Variants in GNAQ observed in about 807,000 individuals in gnomAD.
GNAQ encodes the protein guanine nucleotide-binding protein G(q) subunit alpha.
Under a neutral mutation model 43.9 loss-of-function variants are expected in GNAQ, and 8 were observed. The ratio of observed to expected loss-of-function variants is 0.18; its 90% CI spans 0.11 to 0.33. The LOEUF is 0.33. GNAQ is among the 10% of genes least tolerant of loss of function. The pLI, the probability that GNAQ is intolerant of heterozygous loss-of-function variation, is 1.00. For synonymous variants in GNAQ, 155 were observed against 170.7 expected (o/e 0.91, Z 0.71); for missense variants, 158 against 450.8 (o/e 0.35, Z 5.88).
intron 5 of GNAQ, among the ~76,000 whole-genome samples, chr9:77,762,841 G>A (rs1268108954): frequency 6.6e-6 from 1 of 152,096 alleles, no homozygotes; most frequent in Admixed American, 6.5e-5. Flanking sequence ...TGTCCACTCA[G>A]GGTTAAATGG....
intron 2 of GNAQ, among the ~76,000 whole-genome samples, chr9:77,887,665 C>T (rs1331211726): frequency 6.6e-6 from 1 of 152,098 alleles, no homozygotes; most frequent in Non-Finnish European, 1.5e-5. Context: ...TCTAATCCCC[C>T]CAGTTAAAGC....
In GNAQ at chr9:77,985,594, AT is replaced by A. The variant is rs546572524; in HGVS notation, c.136+45505del. On this transcript the variant is annotated intron_variant, in intron 1 of 6. Coordinates refer to ENST00000286548, the MANE Select transcript of GNAQ (RefSeq NM_002072.5). ...TATAATTTTTAATTTTTCTATTTTT[AT>A]TTTTTTTGAGACAGAGTCTCGCTCT... is the stretch of plus-strand genomic sequence containing the variant. Among the ~76,000 whole-genome samples, 3 of 151,706 alleles carry A rather than the reference AT, an allele frequency of 2.0e-5. No homozygotes were observed. In the East Asian group the frequency reaches 5.8e-4, roughly 29 times the overall value.
chr9:78,000,476 T>G (rs1823630179), intron 1 of GNAQ, among the ~76,000 whole-genome samples: 1 of 152,176 alleles, frequency 6.6e-6, no homozygotes, highest in Non-Finnish European at 1.5e-5. Flanking sequence ...CAAGTAAAAG[T>G]GGTTGCCCCT....
intron 3 of GNAQ, among the ~76,000 whole-genome samples, chr9:77,798,772 T>C (rs535416468): frequency 7.2e-5 from 11 of 152,258 alleles, no homozygotes; most frequent in South Asian, 4.1e-4. Context: ...AAGAAAAGTC[T>C]GTACATGTTC....
At chr9:77,864,878 G>C (rs1343269490) in intron 2 of GNAQ, among the ~76,000 whole-genome samples, 1 of 152,090 alleles carries the variant, frequency 6.6e-6, no homozygotes, top group South Asian at 2.1e-4. Flanking sequence ...AAATCTCCTT[G>C]GTGGTTTCCA....
intron 2 of GNAQ, among the ~76,000 whole-genome samples, chr9:77,856,781 G>A (rs1344121792): frequency 6.6e-6 from 1 of 152,184 alleles, no homozygotes; most frequent in Non-Finnish European, 1.5e-5. Context: ...CAGGAAAAAT[G>A]AGTTAGGCTG....
chr9:78,008,614 C>A (rs201720237), intron 1 of GNAQ, among the ~76,000 whole-genome samples: 1 of 106,052 alleles, frequency 9.4e-6, no homozygotes, highest in Non-Finnish European at 1.9e-5. Flanking sequence ...CATTTCATTT[C>A]ATTTCATTTT....
intron 1 of GNAQ, among the ~76,000 whole-genome samples, chr9:78,005,211 A>G (rs1823690909): frequency 6.6e-6 from 1 of 151,978 alleles, no homozygotes; most frequent in African/African-American, 2.4e-5. Flanking sequence ...ACACCCAGCT[A>G]ATTTTTGTAT....
chr9:77,805,479 A>G (rs1393373473), intron 3 of GNAQ, among the ~76,000 whole-genome samples: 1 of 151,662 alleles, frequency 6.6e-6, no homozygotes, highest in African/African-American at 2.4e-5. Context: ...ATCTTGGCTC[A>G]CTGCAACCTC....
At chr9:77,939,094 TC>T (rs1003541424) in intron 1 of GNAQ, among the ~76,000 whole-genome samples, 98 of 152,196 alleles carry the variant, frequency 6.4e-4, no homozygotes, top group African/African-American at 2.3e-3. Context: ...ATCAAGTTTA[TC>T]CCACCTTCCA....
intron 5 of GNAQ, among the ~76,000 whole-genome samples, chr9:77,735,918 T>C (rs1325058987): frequency 6.6e-6 from 1 of 152,160 alleles, no homozygotes; most frequent in African/African-American, 2.4e-5. Context: ...GTATCTCCCA[T>C]GGTTTGTGAG....
chr9:77,776,791 C>T (rs1234790602), intron 5 of GNAQ, among the ~76,000 whole-genome samples: 2 of 151,822 alleles, frequency 1.3e-5, no homozygotes, highest in Admixed American at 6.6e-5. Flanking sequence ...TACATCTTCT[C>T]GCATGTTCAG....
At chr9:77,820,750 G>T (rs949763907) in intron 2 of GNAQ, among the ~76,000 whole-genome samples, 1 of 152,160 alleles carries the variant, frequency 6.6e-6, no homozygotes, top group Non-Finnish European at 1.5e-5. Flanking sequence ...AACTTGAACA[G>T]CCTGAGACCA....
chr9:77,914,132 C>T (rs1320337924), intron 2 of GNAQ, among the ~76,000 whole-genome samples: 1 of 151,976 alleles, frequency 6.6e-6, no homozygotes, highest in Non-Finnish European at 1.5e-5. Flanking sequence ...GAATAAAGAA[C>T]TGCAAAGATA....
intron 3 of GNAQ, among the ~76,000 whole-genome samples, chr9:77,800,022 T>C (rs940665741): frequency 2.0e-5 from 3 of 152,220 alleles, no homozygotes; most frequent in African/African-American, 4.8e-5. Flanking sequence ...TGATAAGAGT[T>C]AGACGAGCCC....
intron 2 of GNAQ, among the ~76,000 whole-genome samples, chr9:77,900,139 A>C (rs534724059): frequency 6.6e-6 from 1 of 152,274 alleles, no homozygotes; most frequent in East Asian, 1.9e-4. Flanking sequence ...TCTTTGAGAT[A>C]TCTAAGACTG....
At chr9:77,772,172 T>C (rs183106758) in intron 5 of GNAQ, among the ~76,000 whole-genome samples, 1 of 152,126 alleles carries the variant, frequency 6.6e-6, no homozygotes, top group East Asian at 1.9e-4. Context: ...CCCACACACA[T>C]GTAAATATAA....
At chr9:77,773,353 C>T (rs1453747838) in intron 5 of GNAQ, among the ~76,000 whole-genome samples, 1 of 152,208 alleles carries the variant, frequency 6.6e-6, no homozygotes, top group East Asian at 1.9e-4. Context: ...ACAGTAATAA[C>T]AGTACCTTAA....
At chr9:77,824,296 G>T (rs1827159456) in intron 2 of GNAQ, among the ~76,000 whole-genome samples, 1 of 152,116 alleles carries the variant, frequency 6.6e-6, no homozygotes, top group Non-Finnish European at 1.5e-5. Context: ...GGCCTCTCTT[G>T]TTGGTTCAGA....
Sources: gnomAD v4.1 joint callset for allele counts (sites outside exome capture counted in the v4.1 genomes callset) on GRCh38, gnomAD v4.1.1 for gene constraint, MANE v1.5 for transcripts, NCBI Gene and HGNC (gene_info 2026-07-23, HGNC 2026-07-21) for gene names.